USH1C: variants seen among roughly 807,000 people sequenced by gnomAD.
The protein encoded by USH1C is harmonin.
In USH1C, 90 loss-of-function variants were observed where a neutral mutation model predicts 119.3. The observed-to-expected ratio is 0.75, with a 90% CI of 0.64 to 0.90. USH1C has a LOEUF of 0.90. Among genes scored for constraint, USH1C ranks in the 40% least tolerant of loss-of-function variants. The pLI is 0.00. For synonymous variants in USH1C, 465 were observed against 443.3 expected, an observed-to-expected ratio of 1.05 and a Z score of -0.62; for missense variants, 1,165 against 1,167.7, an observed-to-expected ratio of 1.00 and a Z score of 0.03.
chr11:17,533,914 C>A, intron 1 of USH1C: 1 of 349,048 alleles, frequency 2.9e-6, no homozygotes, highest in Non-Finnish European at 5.9e-6. Context: ...CACTCCTTCC[C>A]CCTCCCCAGG....
At chr11:17,512,629 A>T (rs1849946037) in intron 15 of USH1C, among the ~76,000 whole-genome samples, 1 of 152,244 alleles carries the variant, frequency 6.6e-6, no homozygotes, top group South Asian at 2.1e-4. Flanking sequence ...CCTAAGCTAG[A>T]AGTGATAGGA....
rs750721690 is a variant in USH1C at position 17,520,881 on chromosome 11, C to T, written c.1199G>A (p.Arg400His). Reference sequence around the variant, plus strand: ...CTCATGAAACTTACACTTTGGCTTGCGAAGGGGTACTGGGTGTACCTCAGC... The same window carrying T: ...CTCATGAAACTTACACTTTGGCTTGTGAAGGGGTACTGGGTGTACCTCAGC... ...ITAEVHPVPL[R>H]KPKSFGWFYR... Residue 400 changes from arginine (R) to histidine (H), a missense_variant, in exon 14 of 27, where the codon CGC (arginine) becomes CAC (histidine). Arg to His is a conservative substitution (Grantham distance 29, BLOSUM62 0). Transcript: ENST00000005226. 5.9e-5 allele frequency: 96 copies of T among 1,614,018 alleles called. No individual in the cohort carries two copies. The highest frequency in any genetic ancestry group is 6.8e-5 in the Non-Finnish European group (80 of 1,180,016).
At position 17,528,571 on chromosome 11, in the gene USH1C, G is replaced by C. The variant is rs998832847; in HGVS notation, c.388-1240C>G. ...ACACACGTGCTCACCCTTTGGAGAC[G>C]TGCTGGCACACGTGAGGGATGCAAG... On this transcript the variant is annotated intron_variant, in intron 4 of 26. Coordinates refer to ENST00000005226, the MANE Select transcript of USH1C (RefSeq NM_153676.4). Among the ~76,000 whole-genome samples the C allele has an allele frequency of 2.6e-5, 4 of 152,356 alleles. No homozygotes were observed. The South Asian group carries it at 6.2e-4, about 24-fold the overall frequency.
intron 25 of USH1C, 69 bp from the exon 26 acceptor site, chr11:17,495,746 C>T (rs1031325116): frequency 3.9e-6 from 6 of 1,527,590 alleles, no homozygotes; most frequent in African/African-American, 1.4e-5. Context: ...CTCCATGGGG[C>T]TTCTCCTTTC....
chr11:17,502,093 C>T (rs1215310400), intron 20 of USH1C, 113 bp from the exon 21 acceptor site: 19 of 1,102,908 alleles, frequency 1.7e-5, no homozygotes, highest in South Asian at 3.1e-5. Context: ...AGGGGTAGGG[C>T]GGGAGAAGGC....
intron 23 of USH1C, among the ~76,000 whole-genome samples, chr11:17,499,403 G>A (rs1849356473): frequency 1.3e-5 from 2 of 152,220 alleles, no homozygotes; most frequent in Admixed American, 6.5e-5. Context: ...CCTCTGTGCA[G>A]TGCAACTGGG....
intron 19 of USH1C, among the ~76,000 whole-genome samples, chr11:17,504,976 A>T (rs1849593914): frequency 6.6e-6 from 1 of 152,222 alleles, no homozygotes; most frequent in Non-Finnish European, 1.5e-5. Flanking sequence ...AGCTGACGGG[A>T]CAGTTAAGGC....
rs1491411121 is a variant in USH1C at position 17,513,837 on chromosome 11, A to AAAG, written c.1261-1784_1261-1783insCTT. Among the ~76,000 whole-genome samples the AAAG allele has an allele frequency of 3.9e-4, 9 of 23,344 alleles. No individual in the cohort carries two copies. In the South Asian group the frequency reaches 0.017, roughly 44 times the overall value. The allele number at this position is 23,344 out of a possible 152,430, so 15.3% of individuals were successfully genotyped here. A position where few individuals can be genotyped will look rare whatever the true frequency, so the allele number is the denominator to read the frequency against. On this transcript the variant is annotated intron_variant, in intron 15 of 26. Coordinates refer to ENST00000005226, the MANE Select transcript of USH1C (RefSeq NM_153676.4). Reference sequence around the variant, plus strand: ...TGCTTAAAAAAAGAAAGAAAGAAAGAAAAAAAAAACTACCAGTGCTAAGAT... The same window carrying AAAG: ...TGCTTAAAAAAAGAAAGAAAGAAAGAAAGAAAAAAAAACTACCAGTGCTAAGAT...
chr11:17,544,249 C>T (rs1246419871), intron 1 of USH1C, 23 bp downstream of exon 1: 1 of 1,613,804 alleles, frequency 6.2e-7, no homozygotes, highest in African/African-American at 1.3e-5. Context: ...TCCCAGAAGC[C>T]TGGGGCGCCC....
chr11:17,494,127 G>T lies in USH1C; in HGVS notation c.*205C>A. ...CTTGAGATCTTCTCCCAAATGGCTG[G>T]CTGCTCCCTTTCCTCCACGTTGGCC... On this transcript the variant is annotated 3_prime_UTR_variant, in exon 27 of 27. Coordinates refer to ENST00000005226, the MANE Select transcript of USH1C (RefSeq NM_153676.4). 1 of 625,776 alleles carries T rather than the reference G, an allele frequency of 1.6e-6. No individual in the cohort carries two copies. Among genetic ancestry groups the T allele is most frequent in the Non-Finnish European group, 2.9e-6 (1 of 349,422 alleles). 38.8% of individuals were successfully genotyped at this position (625,776 alleles called of 1,614,324 possible). A position where few individuals can be genotyped will look rare whatever the true frequency, so the allele number is the denominator to read the frequency against.
chr11:17,533,417 AGCAGCTTTTCAGG>A, intron 1 of USH1C, 95 bp from the exon 2 acceptor site: 1 of 891,108 alleles, frequency 1.1e-6, no homozygotes, highest in Non-Finnish European at 1.8e-6. Context: ...GGGCCTCCCC[AGCAGCTTTTCAGG>A]GCTGGAGTTG....
intron 7 of USH1C, 85 bp downstream of exon 7, chr11:17,526,668 T>A: frequency 6.8e-7 from 1 of 1,463,658 alleles, no homozygotes; most frequent in Non-Finnish European, 9.5e-7. Flanking sequence ...GGTGCATCTC[T>A]AGAGCAAGCC....
chr11:17,525,414 C>T (rs1850624003), intron 8 of USH1C, among the ~76,000 whole-genome samples: 1 of 152,244 alleles, frequency 6.6e-6, no homozygotes, highest in East Asian at 1.9e-4. Context: ...ACAGGGATAA[C>T]TTAAATAATA....
chr11:17,512,715 C>G (rs1241703744), intron 15 of USH1C, among the ~76,000 whole-genome samples: 2 of 152,192 alleles, frequency 1.3e-5, no homozygotes, highest in Non-Finnish European at 2.9e-5. Flanking sequence ...GACCATTTCA[C>G]CCTGGAGAGT....
At chr11:17,528,268 G>C (rs530697495) in intron 4 of USH1C, among the ~76,000 whole-genome samples, 1 of 152,308 alleles carries the variant, frequency 6.6e-6, no homozygotes, top group Admixed American at 6.5e-5. Flanking sequence ...GTTGAGATGG[G>C]CCCTGGGCAG....
rs1391793246 is a variant in USH1C at position 17,531,404 on chromosome 11, G to C, written c.243C>G (p.Arg81=). Residue 81 remains arginine (R), a synonymous_variant, in exon 3 of 27, where the codon CGC becomes CGG. Transcript: ENST00000005226. This position sits in a 1 kb window ranked among gnomAD's most constrained non-coding sequence, Gnocchi z 4.2. The stretch of plus-strand genomic sequence containing the variant: ...CCTGGTGGCTTCCTCTGCACCTGGA[G>C]CGCCGGGGGGTCAGCTGATCATATT... ...QVEYDQLTPR[R]SRKLKEVRLD... 5.0e-6 allele frequency: 8 copies of C among 1,613,740 alleles called. No homozygotes were observed. The highest frequency in any genetic ancestry group is 3.3e-5 in the South Asian group (3 of 91,028).
At position 17,527,045 on chromosome 11, in the gene USH1C, G is replaced by A. The variant is rs749319911; in HGVS notation, c.497-5C>T. ...TCACGGGGATCAGGCCGATGTCTGC[G>A]GGAGAAAGGCACAGGGGTTAGGACA... On this transcript the variant is annotated splice_polypyrimidine_tract_variant and splice_region_variant and intron_variant, in intron 5 of 26. Coordinates refer to ENST00000005226, the MANE Select transcript of USH1C (RefSeq NM_153676.4). The A allele has an allele frequency of 1.1e-5, 17 of 1,554,170 alleles. No homozygotes were observed. Among genetic ancestry groups the A allele is most frequent in the African/African-American group, 4.1e-5 (3 of 73,236 alleles).
In USH1C at chr11:17,509,813, G is replaced by C. The variant is rs778703128; in HGVS notation, c.1556C>G (p.Pro519Arg). 2 of 1,597,096 alleles carry C rather than the reference G, an allele frequency of 1.3e-6. No homozygotes were observed. Among genetic ancestry groups the C allele is most frequent in the African/African-American group, 2.7e-5 (2 of 74,972 alleles). Residue 519 changes from proline to arginine, a missense_variant, in exon 18 of 27, where the codon CCG becomes CGG. Physicochemically the swap from Pro to Arg is moderately radical, Grantham distance 103. Transcript: ENST00000005226. ...SEMTTGPPPPPPSVSPLAPPL... is the reference protein window; with the variant it reads ...SEMTTGPPPPRPSVSPLAPPL... The stretch of plus-strand genomic sequence containing the variant: ...TGGGGCCAGGGGAGACACAGAAGGC[G>C]GGGGAGGCGGGGGCCCTGTGGTCAT...
chr11:17,513,346 C>A (rs932193628), intron 15 of USH1C, among the ~76,000 whole-genome samples: 1 of 152,256 alleles, frequency 6.6e-6, no homozygotes, highest in Middle Eastern at 3.4e-3. Flanking sequence ...ACCCCCGCCC[C>A]CAACAAGCCT....
Sources: allele counts gnomAD v4.1 joint callset (sites outside exome capture counted in the v4.1 genomes callset), GRCh38; gene constraint gnomAD v4.1.1; non-coding constraint Gnocchi (gnomAD v3.1); transcripts MANE v1.5; gene names NCBI Gene and HGNC (gene_info 2026-07-23, HGNC 2026-07-21).